The following NAV3 variants were observed in gnomAD, a reference collection of about 807,000 sequenced individuals.
The protein encoded by NAV3 is pore membrane and/or filament interacting like protein 1.
NAV3 carries 87 observed loss-of-function variants against 244.7 expected under a neutral mutation model. That is an observed-to-expected ratio of 0.36 (90% CI 0.30 to 0.42). The LOEUF (loss-of-function observed/expected upper bound fraction) is 0.42, where lower values mean the gene tolerates loss of function less well. Ranked by LOEUF, NAV3 falls within the 20% of genes least tolerant of loss-of-function variation. The probability of loss-of-function intolerance (pLI) is 1.00; values close to 1 mark genes in which losing one functional copy is unlikely to be tolerated. For synonymous variants in NAV3, 1,126 were observed against 1,042.2 expected (o/e 1.08, Z -1.55); for missense variants, 2,663 against 2,893.3 (o/e 0.92, Z 1.83).
rs541786006 is a variant in NAV3, at chr12:78,059,494, G to T, written c.2636+379G>T. 1.1e-4 allele frequency among the ~76,000 whole-genome samples: 16 copies of T among 152,064 alleles called. No individual in the cohort carries two copies. In the South Asian group the frequency reaches 3.3e-3, roughly 32 times the overall value. On this transcript the variant is annotated intron_variant, in intron 12 of 39. Coordinates refer to ENST00000397909, the MANE Select transcript of NAV3 (RefSeq NM_001024383.2). ...AGTAGAGATGGAGTTTTACCATGTT[G>T]GTCAGGATGGTCTCCATCTCTTGAC...
chr12:77,713,945 G>C (rs759733990), intron 2 of NAV3, among the ~76,000 whole-genome samples: 10 of 151,894 alleles, frequency 6.6e-5, no homozygotes, highest in Non-Finnish European at 1.3e-4. Flanking sequence ...AACATTAGTT[G>C]CTAATATTAT....
intron 1 of NAV3, among the ~76,000 whole-genome samples, chr12:77,892,221 T>C (rs535461335): frequency 6.6e-6 from 1 of 152,148 alleles, no homozygotes; most frequent in Non-Finnish European, 1.5e-5. Context: ...TATTGTGCAA[T>C]AAAGATGTTG....
intron 20 of NAV3, among the ~76,000 whole-genome samples, chr12:78,144,145 T>G (rs925194654): frequency 6.6e-6 from 1 of 152,222 alleles, no homozygotes; most frequent in Non-Finnish European, 1.5e-5. Flanking sequence ...ATATTTAACC[T>G]GTTTTGAATT....
chr12:78,178,284 T>C (rs2139693088), intron 28 of NAV3, among the ~76,000 whole-genome samples: 1 of 151,722 alleles, frequency 6.6e-6, no homozygotes, highest in South Asian at 2.1e-4. Context: ...CTCAACCTCC[T>C]GAGTAGCTGG....
intron 2 of NAV3, among the ~76,000 whole-genome samples, chr12:77,662,273 T>C (rs1324204750): frequency 7.2e-6 from 1 of 138,064 alleles, no homozygotes; most frequent in African/African-American, 2.7e-5. Flanking sequence ...ATATCTCACC[T>C]TATTTTAGAT....
At chr12:77,677,780 T>A (rs1465630381) in intron 2 of NAV3, among the ~76,000 whole-genome samples, 1 of 152,172 alleles carries the variant, frequency 6.6e-6, no homozygotes, top group African/African-American at 2.4e-5. Flanking sequence ...AACCAAACTA[T>A]TTTTTTAGGT....
At chr12:77,603,342 A>G (rs1302803410) in intron 2 of NAV3, among the ~76,000 whole-genome samples, 1 of 152,114 alleles carries the variant, frequency 6.6e-6, no homozygotes, top group Non-Finnish European at 1.5e-5. Flanking sequence ...TCATCAAAAG[A>G]CATTTTAATA....
At chr12:77,694,723 A>G (rs1204794586) in intron 2 of NAV3, among the ~76,000 whole-genome samples, 2 of 152,148 alleles carry the variant, frequency 1.3e-5, no homozygotes, top group South Asian at 2.1e-4. Context: ...GTTTGGACCT[A>G]TTGTGAACAA....
chr12:77,593,552 C>A (rs758269001), intron 2 of NAV3, among the ~76,000 whole-genome samples: 9 of 150,752 alleles, frequency 6.0e-5, no homozygotes, highest in South Asian at 4.2e-4. Flanking sequence ...CGGGTTCAAG[C>A]GATTCTCCTG....
chr12:78,119,213 A>C (rs959511216), intron 14 of NAV3, 24 bp from the exon 15 acceptor site: 1 of 1,593,436 alleles, frequency 6.3e-7, no homozygotes, highest in South Asian at 1.1e-5. Flanking sequence ...AGGCACATAT[A>C]TTTGTGTATT....
chr12:77,934,714 T>G (rs1020941938), intron 1 of NAV3, among the ~76,000 whole-genome samples: 3 of 152,218 alleles, frequency 2.0e-5, no homozygotes, highest in Non-Finnish European at 2.9e-5. Context: ...TTCAACACAA[T>G]TCCTGTTATG....
intron 2 of NAV3, among the ~76,000 whole-genome samples, chr12:77,821,556 A>C (rs1358949399): frequency 6.6e-6 from 1 of 152,180 alleles, no homozygotes; most frequent in Non-Finnish European, 1.5e-5. Flanking sequence ...ATCTTTCACA[A>C]TTACAAGTTA....
chr12:77,773,705 T>C (rs1173055069), intron 2 of NAV3, among the ~76,000 whole-genome samples: 1 of 152,152 alleles, frequency 6.6e-6, no homozygotes, highest in Non-Finnish European at 1.5e-5. Flanking sequence ...ATAATGTACA[T>C]CTCATTGAGT....
intron 2 of NAV3, among the ~76,000 whole-genome samples, chr12:77,713,232 G>A (rs770547): frequency 0.81 from 123,872 of 152,176 alleles, 52,954 homozygotes; most frequent in East Asian, 1. Context: ...AGAGTTTGAT[G>A]TATATGTGTA....
chr12:77,878,586 G>T (rs1421599091), intron 1 of NAV3, among the ~76,000 whole-genome samples: 1 of 151,540 alleles, frequency 6.6e-6, no homozygotes. Flanking sequence ...ACATAAGATA[G>T]ATATGTAATA....
chr12:77,719,569 C>T (rs2137287415), intron 2 of NAV3, among the ~76,000 whole-genome samples: 1 of 152,110 alleles, frequency 6.6e-6, no homozygotes, highest in Middle Eastern at 3.4e-3. Context: ...AATCATATGA[C>T]TTATTTTTTG....
intron 12 of NAV3, among the ~76,000 whole-genome samples, chr12:78,104,232 G>C (rs535490763): frequency 5.9e-5 from 9 of 152,262 alleles, no homozygotes; most frequent in African/African-American, 1.9e-4. Context: ...AAGTAGGACT[G>C]TTGAGCCCCA....
intron 1 of NAV3, among the ~76,000 whole-genome samples, chr12:77,834,930 GT>G (rs1874361925): frequency 6.6e-6 from 1 of 152,174 alleles, no homozygotes; most frequent in East Asian, 1.9e-4. Context: ...ATCGAACAAG[GT>G]AGTTATATTA....
At chr12:78,001,691 A>C (rs980039581) in intron 7 of NAV3, among the ~76,000 whole-genome samples, 1 of 152,232 alleles carries the variant, frequency 6.6e-6, no homozygotes, top group Non-Finnish European at 1.5e-5. Context: ...AGTCTCATTA[A>C]ATGAATTAAA....
Sources: allele counts gnomAD v4.1 joint callset (sites outside exome capture counted in the v4.1 genomes callset), GRCh38; gene constraint gnomAD v4.1.1; transcripts MANE v1.5; gene names NCBI Gene and HGNC (gene_info 2026-07-23, HGNC 2026-07-21).